The following ANGPT1 variants were observed in gnomAD, a reference collection of about 807,000 sequenced individuals.
The protein encoded by ANGPT1 is angiopoietin 1.
ANGPT1 carries 17 observed loss-of-function variants against 62.2 expected under a neutral mutation model. The ratio of observed to expected loss-of-function variants is 0.27; its 90% confidence interval spans 0.19 to 0.41. The LOEUF is 0.41. Ranked by LOEUF, ANGPT1 falls within the 10% of genes least tolerant of loss-of-function variation. ANGPT1 has a pLI of 1.00. For synonymous variants in ANGPT1, 199 were observed against 198.9 expected, an observed-to-expected ratio of 1.00 and a Z score of 0.00; for missense variants, 478 against 594.9, an observed-to-expected ratio of 0.80 and a Z score of 2.04.
At chr8:107,325,759 T>A (rs7837271) in intron 3 of ANGPT1, among the ~76,000 whole-genome samples, 7,682 of 152,170 alleles carry the variant, frequency 0.05, 635 homozygotes, top group African/African-American at 0.18. Flanking sequence ...ACTTTTTTTT[T>A]AAATTTTTGC....
intron 4 of ANGPT1, among the ~76,000 whole-genome samples, chr8:107,307,755 T>C (rs1434460929): frequency 6.6e-6 from 1 of 152,172 alleles, no homozygotes; most frequent in Non-Finnish European, 1.5e-5. Flanking sequence ...TATCATGGCT[T>C]CCAACTGCGG....
intron 5 of ANGPT1, among the ~76,000 whole-genome samples, chr8:107,302,846 T>C (rs749319925): frequency 3.3e-5 from 5 of 151,920 alleles, no homozygotes; most frequent in Non-Finnish European, 7.4e-5. Context: ...TATCTACCCC[T>C]CCCTCTCCTC....
intron 1 of ANGPT1, among the ~76,000 whole-genome samples, chr8:107,421,000 C>T (rs971074579): frequency 1.2e-4 from 18 of 152,140 alleles, no homozygotes; most frequent in African/African-American, 4.3e-4. Flanking sequence ...TTATTCTCCA[C>T]TGGTTTAATT....
intron 1 of ANGPT1, among the ~76,000 whole-genome samples, chr8:107,488,720 A>T (rs1183957975): frequency 2.0e-5 from 3 of 152,202 alleles, no homozygotes; most frequent in Non-Finnish European, 4.4e-5. Flanking sequence ...GACTGATAAT[A>T]CTGGTAATAA....
intron 1 of ANGPT1, among the ~76,000 whole-genome samples, chr8:107,353,572 C>T (rs894545323): frequency 6.6e-6 from 1 of 152,178 alleles, no homozygotes; most frequent in Admixed American, 6.5e-5. Flanking sequence ...TGATACCCAT[C>T]AGCTGCCCCC....
At chr8:107,449,894 T>C (rs1811724245) in intron 1 of ANGPT1, among the ~76,000 whole-genome samples, 1 of 152,128 alleles carries the variant, frequency 6.6e-6, no homozygotes, top group Non-Finnish European at 1.5e-5. Flanking sequence ...AATAATTTTC[T>C]TTGGGTTAGA....
chr8:107,344,622 T>C (rs72672542), intron 2 of ANGPT1, among the ~76,000 whole-genome samples: 6 of 152,352 alleles, frequency 3.9e-5, no homozygotes, highest in Non-Finnish European at 1.5e-5. Context: ...AAGCAATAAG[T>C]TAATTATTTC....
chr8:107,356,592 C>A (rs1470917897), intron 1 of ANGPT1, among the ~76,000 whole-genome samples: 4 of 152,156 alleles, frequency 2.6e-5, no homozygotes, highest in Non-Finnish European at 5.9e-5. Context: ...TGCATTCCAG[C>A]CTAGGCAACA....
intron 7 of ANGPT1, among the ~76,000 whole-genome samples, chr8:107,276,396 C>G (rs1296270152): frequency 6.6e-6 from 1 of 152,004 alleles, no homozygotes; most frequent in East Asian, 1.9e-4. Flanking sequence ...TAACTTTCCT[C>G]TTAGTATTTC....
intron 8 of ANGPT1, 92 bp downstream of exon 8, chr8:107,264,129 G>A: frequency 7.0e-7 from 1 of 1,433,250 alleles, no homozygotes; most frequent in Non-Finnish European, 9.3e-7. Context: ...TAAGTTTCCT[G>A]ACCATAAGAT....
chr8:107,266,263 G>A (rs1456971288), intron 7 of ANGPT1, among the ~76,000 whole-genome samples: 2 of 152,114 alleles, frequency 1.3e-5, no homozygotes, highest in Admixed American at 6.6e-5. Context: ...GGGTGAATTC[G>A]CCACCTTCCA....
Position 107,258,948 on chromosome 8 carries a change from C to T in ANGPT1, c.1336+5273G>A, listed in dbSNP as rs148905943. ...CAGAGTCTCTGCTAACATTTACTCA[C>T]TAAACCAATATTTATTGAACATATG... On this transcript the variant is annotated intron_variant, in intron 8 of 8. Transcript: ENST00000517746. Among the ~76,000 whole-genome samples, 951 of 152,300 alleles carry T rather than the reference C, an allele frequency of 6.2e-3. 3 individuals carry two copies. Among genetic ancestry groups the T allele is most frequent in the Non-Finnish European group, 0.011 (754 of 68,010 alleles).
At chr8:107,300,034 GATATAACTAT>G (rs1346242646) in intron 5 of ANGPT1, among the ~76,000 whole-genome samples, 1 of 138,034 alleles carries the variant, frequency 7.2e-6, no homozygotes, top group African/African-American at 2.6e-5. Flanking sequence ...GTTATATCTA[GATATAACTAT>G]ATATATAGTT....
intron 1 of ANGPT1, among the ~76,000 whole-genome samples, chr8:107,433,798 T>C (rs984983731): frequency 6.6e-6 from 1 of 152,182 alleles, no homozygotes; most frequent in Admixed American, 6.5e-5. Flanking sequence ...AGAGGGTAGA[T>C]GAGCATGAAC....
intron 6 of ANGPT1, among the ~76,000 whole-genome samples, chr8:107,291,859 G>C (rs948230976): frequency 3.3e-5 from 4 of 121,340 alleles, no homozygotes; most frequent in African/African-American, 6.3e-5. Context: ...AATCCCAAAA[G>C]ATAATGATAT....
intron 1 of ANGPT1, among the ~76,000 whole-genome samples, chr8:107,417,295 C>T (rs926332338): frequency 2.6e-5 from 4 of 152,070 alleles, no homozygotes; most frequent in African/African-American, 9.7e-5. Flanking sequence ...TCATTGTACC[C>T]TTGAGAGAAT....
chr8:107,490,580 T>A (rs1288070796), intron 1 of ANGPT1, among the ~76,000 whole-genome samples: 3 of 152,200 alleles, frequency 2.0e-5, no homozygotes, highest in African/African-American at 7.2e-5. Flanking sequence ...TGGAGGGCGA[T>A]CTTTTTCCCA....
At chr8:107,364,021 T>C (rs918732263) in intron 1 of ANGPT1, among the ~76,000 whole-genome samples, 11 of 152,182 alleles carry the variant, frequency 7.2e-5, no homozygotes, top group Non-Finnish European at 1.5e-4. Context: ...CTTTTAACAC[T>C]ATTTCAGTAC....
At chr8:107,430,453 T>G (rs1264968474) in intron 1 of ANGPT1, among the ~76,000 whole-genome samples, 1 of 152,196 alleles carries the variant, frequency 6.6e-6, no homozygotes, top group African/African-American at 2.4e-5. Context: ...TCATACCTAT[T>G]CACTCTTTCT....
Sources: gnomAD v4.1 joint callset for allele counts (sites outside exome capture counted in the v4.1 genomes callset) on GRCh38, gnomAD v4.1.1 for gene constraint, MANE v1.5 for transcripts, NCBI Gene and HGNC (gene_info 2026-07-23, HGNC 2026-07-21) for gene names.